The following MAPKBP1 variants were observed in gnomAD, a reference collection of about 807,000 sequenced individuals.
MAPKBP1 encodes the protein mitogen-activated protein kinase binding protein 1.
A neutral mutation model predicts 170.5 loss-of-function variants in MAPKBP1; 71 were observed. The observed-to-expected ratio is 0.42, with a 90% confidence interval of 0.34 to 0.51. The LOEUF is 0.51. Among genes scored for constraint, MAPKBP1 ranks in the 20% least tolerant of loss-of-function variants. The pLI, the probability that MAPKBP1 is intolerant of heterozygous loss-of-function variation, is 0.06. For synonymous variants in MAPKBP1, 719 were observed against 757.9 expected, an observed-to-expected ratio of 0.95 and a Z score of 0.84; for missense variants, 1,598 against 1,933.0, an observed-to-expected ratio of 0.83 and a Z score of 3.25.
intron 3 of MAPKBP1, among the ~76,000 whole-genome samples, chr15:41,801,653 G>A (rs905566976): frequency 6.6e-6 from 1 of 152,176 alleles, no homozygotes; most frequent in South Asian, 2.1e-4. Flanking sequence ...TTGGAGACCA[G>A]CCTGGCCAAC....
At chr15:41,797,893 C>T (rs948234577) in intron 2 of MAPKBP1, among the ~76,000 whole-genome samples, 14 of 152,216 alleles carry the variant, frequency 9.2e-5, no homozygotes, top group Non-Finnish European at 1.6e-4. Flanking sequence ...TTTTGGTCTT[C>T]GGCCACCACA....
intron 11 of MAPKBP1, 43 bp downstream of exon 11, chr15:41,815,448 C>T (rs1325952152): frequency 1.2e-6 from 2 of 1,607,626 alleles, no homozygotes; most frequent in South Asian, 1.1e-5. Context: ...CCTCAGTGCC[C>T]CCATCCCCAC....
chr15:41,819,159 G>T, intron 20 of MAPKBP1, 87 bp from the exon 21 acceptor site: 1 of 1,519,054 alleles, frequency 6.6e-7, no homozygotes, highest in East Asian at 2.3e-5. Flanking sequence ...TCCCCTCATT[G>T]AGTCTCCTCT....
At chr15:41,785,201 G>A (rs1445919226) in intron 2 of MAPKBP1, among the ~76,000 whole-genome samples, 1 of 152,124 alleles carries the variant, frequency 6.6e-6, no homozygotes, top group Non-Finnish European at 1.5e-5. Flanking sequence ...ATTTGTGAGA[G>A]GTCCTTTTTT....
intron 5 of MAPKBP1, 40 bp from the exon 6 acceptor site, chr15:41,811,914 TGGA>T (rs1364172135): frequency 6.2e-7 from 1 of 1,607,740 alleles, no homozygotes; most frequent in South Asian, 1.1e-5. Context: ...TGTATGCCTG[TGGA>T]GAAGTCAAGA....
intron 2 of MAPKBP1, among the ~76,000 whole-genome samples, chr15:41,798,702 C>T (rs2064539684): frequency 6.6e-6 from 1 of 152,192 alleles, no homozygotes; most frequent in South Asian, 2.1e-4. Context: ...TAAGAATAGA[C>T]CGCCCTGCCA....
rs929693581 is a variant in MAPKBP1 at position 41,816,436 on chromosome 15, C to G, written c.1494-123C>G. The G allele has an allele frequency of 3.7e-5, 24 of 644,654 alleles. 1 individual carries two copies. In the Admixed American group the frequency reaches 5.9e-4, roughly 16 times the overall value. 39.9% of individuals were successfully genotyped at this position (644,654 alleles called of 1,614,324 possible). ...TAGACGCTCTCTGTTCTTTCAGCAA[C>G]TTTTCTCTAAGCCTAAAAGTTCAAA... On this transcript the variant is annotated intron_variant, in intron 12 of 30. Coordinates refer to ENST00000457542, the MANE Select transcript of MAPKBP1 (RefSeq NM_014994.3).
At chr15:41,780,965 A>G (rs1167954011) in intron 2 of MAPKBP1, among the ~76,000 whole-genome samples, 1 of 152,108 alleles carries the variant, frequency 6.6e-6, no homozygotes, top group Non-Finnish European at 1.5e-5. Context: ...AGGACACTTA[A>G]CAGAAGAATG....
At chr15:41,779,830 A>T (rs1321927847) in intron 2 of MAPKBP1, among the ~76,000 whole-genome samples, 1 of 152,158 alleles carries the variant, frequency 6.6e-6, no homozygotes, top group Non-Finnish European at 1.5e-5. Context: ...GCTCTTGTTG[A>T]ATTTTCTGTC....
In MAPKBP1 at chr15:41,817,100, T is replaced by G; in HGVS notation, c.1711+65T>G. The G allele has an allele frequency of 6.5e-7, 1 of 1,530,040 alleles. No homozygotes were observed. Among genetic ancestry groups the G allele is most frequent in the African/African-American group, 1.4e-5 (1 of 72,726 alleles). 94.8% of individuals were successfully genotyped at this position (1,530,040 alleles called of 1,614,324 possible). A position where few individuals can be genotyped will look rare whatever the true frequency, so the allele number is the denominator to read the frequency against. ...CCCCTGCTGCCATCTGCCTCCCACCTCCATGAGAAGGGTCTGCCCATTGTG... is the reference window on the plus strand; with the variant it reads ...CCCCTGCTGCCATCTGCCTCCCACCGCCATGAGAAGGGTCTGCCCATTGTG... On this transcript the variant is annotated intron_variant, in intron 14 of 30. Transcript: ENST00000457542. This position sits in a 1 kb window ranked among gnomAD's most constrained non-coding sequence, Gnocchi z 4.2.
In MAPKBP1 at chr15:41,827,816, C is replaced by T. The variant is rs1042016150; in HGVS notation, c.*2380C>T. The T allele has an allele frequency of 1.9e-4, 62 of 333,792 alleles. No individual in the cohort carries two copies. The highest frequency in any genetic ancestry group is 3.2e-4 in the Non-Finnish European group (58 of 183,668). The allele number at this position is 333,792 out of a possible 1,614,324, so 20.7% of individuals were successfully genotyped here. On this transcript the variant is annotated 3_prime_UTR_variant, in exon 31 of 31. Coordinates refer to ENST00000457542, the MANE Select transcript of MAPKBP1 (RefSeq NM_014994.3). Reference sequence around the variant, plus strand: ...GCTGTTTTTAACGTGCCCGTTTGTACTGATGTATGAACTTGTCAATAAACA... The same window carrying T: ...GCTGTTTTTAACGTGCCCGTTTGTATTGATGTATGAACTTGTCAATAAACA...
chr15:41,822,799 G>C (rs181702076), intron 27 of MAPKBP1, 122 bp downstream of exon 27: 6 of 1,454,898 alleles, frequency 4.1e-6, no homozygotes, highest in Non-Finnish European at 5.7e-6. Flanking sequence ...CCCAGTTTTG[G>C]GCTAACTGGC....
In MAPKBP1 at chr15:41,814,786, A is replaced by G. The variant is rs78996302; in HGVS notation, c.1170+47A>G. 2.4e-3 allele frequency: 3,781 copies of G among 1,602,912 alleles called. 81 individuals are homozygous for G. In the African/African-American group the frequency reaches 0.045, roughly 19 times the overall value. Reference sequence around the variant, plus strand: ...CTGGAGACTGGCCAGGTTGGCTGGGATACCATTTTGAGGACAGAAAATAGG... The same window carrying G: ...CTGGAGACTGGCCAGGTTGGCTGGGGTACCATTTTGAGGACAGAAAATAGG... On this transcript the variant is annotated intron_variant, in intron 10 of 30. Coordinates refer to ENST00000457542, the MANE Select transcript of MAPKBP1 (RefSeq NM_014994.3).
In MAPKBP1 at chr15:41,827,844, ATTGT is replaced by A. The variant is rs1403433544; in HGVS notation, c.*2414_*2417del. ...ATGTATGAACTTGTCAATAAACACA[ATTGT>A]TTGTTAACCCTGGGATGCCGGCCAG... On this transcript the variant is annotated 3_prime_UTR_variant, in exon 31 of 31. Transcript: ENST00000457542. 2.7e-5 allele frequency: 11 copies of A among 413,712 alleles called. No individual in the cohort carries two copies. In the East Asian group the frequency reaches 3.2e-4, roughly 12 times the overall value. The allele number at this position is 413,712 out of a possible 1,614,324, so 25.6% of individuals were successfully genotyped here. A position where few individuals can be genotyped will look rare whatever the true frequency, so the allele number is the denominator to read the frequency against.
In MAPKBP1 at chr15:41,816,598, G is replaced by T. The variant is rs746188052; in HGVS notation, c.1533G>T (p.Val511=). Residue 511 remains valine, a synonymous_variant, in exon 13 of 31, where the codon GTG becomes GTT. Coordinates refer to ENST00000457542, the MANE Select transcript of MAPKBP1 (RefSeq NM_014994.3). ...AGTCCCTGAGTGAGATGCTGAAGGT[G>T]GAGGCCCATGACTCTGAGATTCTGT... The part of the protein sequence containing the change: ...ELQSLSEMLK[V]EAHDSEILCL... 2 of 1,614,150 alleles carry T rather than the reference G, an allele frequency of 1.2e-6. No individual in the cohort carries two copies. Among genetic ancestry groups the T allele is most frequent in the Middle Eastern group, 3.3e-4 (2 of 5,972 alleles).
In MAPKBP1 at chr15:41,823,235, A is replaced by C. The variant is rs1244914077; in HGVS notation, c.3598+13A>C. On this transcript the variant is annotated intron_variant, in intron 28 of 30. Transcript: ENST00000457542. ...CTGGTGCCACAGGGTGAGAAGCCTG[A>C]TGGGTTCAGTGCCAGGGTGCAGGGT... 1 of 1,610,336 alleles carries C rather than the reference A, an allele frequency of 6.2e-7. No homozygotes were observed. The highest frequency in any genetic ancestry group is 8.5e-7 in the Non-Finnish European group (1 of 1,178,176).
intron 1 of MAPKBP1, 97 bp from the exon 2 acceptor site, chr15:41,775,058 AGGTGGGGATGAG>A: frequency 3.6e-6 from 2 of 557,902 alleles, no homozygotes; most frequent in Admixed American, 3.2e-5. Context: ...CAGGGCTAGA[AGGTGGGGATGAG>A]GGAAATGGTG....
intron 2 of MAPKBP1, among the ~76,000 whole-genome samples, chr15:41,789,213 T>G (rs2064351429): frequency 6.6e-6 from 1 of 152,158 alleles, no homozygotes; most frequent in Non-Finnish European, 1.5e-5. Flanking sequence ...ATCCTTTTGA[T>G]GACCAGATTT....
Position 41,813,767 on chromosome 15 carries a change from C to T in MAPKBP1, c.966C>T (p.Ser322=), listed in dbSNP as rs188267786. 3.5e-4 allele frequency: 552 copies of T among 1,599,314 alleles called. No individual in the cohort carries two copies. The highest frequency in any genetic ancestry group is 4.4e-4 in the Non-Finnish European group (512 of 1,172,716). ...RPHALGTDIA[S]VTEASRLFSG... ...ATGCTCTGGGGACAGACATTGCTAG[C>T]GTCACCGAGGCCAGGTGAGCTATGT... Residue 322 remains serine (S), a synonymous_variant, in exon 9 of 31, where the codon AGC becomes AGT. Transcript: ENST00000457542.
Sources: gnomAD v4.1 joint callset for allele counts (sites outside exome capture counted in the v4.1 genomes callset) on GRCh38, gnomAD v4.1.1 for gene constraint, Gnocchi (gnomAD v3.1) non-coding constraint, MANE v1.5 for transcripts, NCBI Gene and HGNC (gene_info 2026-07-23, HGNC 2026-07-21) for gene names.